CCR3: variants seen among roughly 807,000 people sequenced by gnomAD.
CCR3 encodes the protein C-C motif chemokine receptor 3.
For synonymous variants in CCR3, 203 were observed against 179.2 expected (o/e 1.13, Z -1.06); for missense variants, 419 against 437.5 (o/e 0.96, Z 0.38).
intron 2 of CCR3, among the ~76,000 whole-genome samples, chr3:46,231,836 T>G (rs1208757440): frequency 6.6e-6 from 1 of 152,228 alleles, no homozygotes; most frequent in East Asian, 1.9e-4. Context: ...CCTCTTATCT[T>G]GTTTCAGGAG....
intron 2 of CCR3, among the ~76,000 whole-genome samples, chr3:46,213,849 A>G (rs1575482545): frequency 6.6e-6 from 1 of 152,284 alleles, no homozygotes; most frequent in East Asian, 1.9e-4. Context: ...ACTGACCTTC[A>G]GCCTCCTCAT....
chr3:46,247,209 T>C (rs78470032), intron 1 of CCR3, among the ~76,000 whole-genome samples: 28 of 152,128 alleles, frequency 1.8e-4, no homozygotes, highest in African/African-American at 6.7e-4. Flanking sequence ...CAGTGTAAAC[T>C]GGCAGTGTAA....
chr3:46,243,961 T>C (rs927554026), intron 1 of CCR3, among the ~76,000 whole-genome samples: 1 of 152,228 alleles, frequency 6.6e-6, no homozygotes, highest in African/African-American at 2.4e-5. Flanking sequence ...TTTTCTTTCT[T>C]TTAGATCTTC....
intron 2 of CCR3, among the ~76,000 whole-genome samples, chr3:46,231,150 CTT>C (rs1038545594): frequency 9.8e-5 from 15 of 152,322 alleles, no homozygotes; most frequent in South Asian, 2.1e-4. Flanking sequence ...GTCTCGATCT[CTT>C]AACCTCATGA....
At chr3:46,265,057 T>A in intron 1 of CCR3, 91 bp from the exon 2 acceptor site, 1 of 822,106 alleles carries the variant, frequency 1.2e-6, no homozygotes, top group Non-Finnish European at 1.9e-6. Context: ...ATGTGGCATC[T>A]TTGTTGAGTA....
intron 2 of CCR3, among the ~76,000 whole-genome samples, chr3:46,213,774 C>A (rs1239093897): frequency 6.6e-6 from 1 of 152,228 alleles, no homozygotes; most frequent in Non-Finnish European, 1.5e-5. Flanking sequence ...CTGCCTCTAG[C>A]ACCTCAACTC....
chr3:46,258,619 G>T (rs1416325013), intron 1 of CCR3, among the ~76,000 whole-genome samples: 1 of 152,078 alleles, frequency 6.6e-6, no homozygotes, highest in Non-Finnish European at 1.5e-5. Context: ...ACTACATGTT[G>T]CTTTCCTTTC....
Position 46,236,429 on chromosome 3 carries a change from G to A in CCR3, c.-67-5973G>A, listed in dbSNP as rs11916833. On this transcript the variant is annotated intron_variant, in intron 2 of 3. Coordinates refer to the CCR3 transcript ENST00000357422. ...AGCCCCATCGACAGGCTCCCAGGAC[G>A]GCTCACCTTCCAGGAAGTCCTGCTG... Among the ~76,000 whole-genome samples the A allele has an allele frequency of 9.0e-3, 1,366 of 152,308 alleles. 13 individuals carry two copies. The highest frequency in any genetic ancestry group is 0.041 in the Middle Eastern group (12 of 294).
chr3:46,263,210 T>C (rs1055852826), intron 1 of CCR3, among the ~76,000 whole-genome samples: 1 of 152,234 alleles, frequency 6.6e-6, no homozygotes, highest in African/African-American at 2.4e-5. Context: ...TTGACCTGTT[T>C]TTAAATCACT....
upstream of CCR3, chr3:46,242,260 C>A (rs1391170736): frequency 6.6e-6 from 1 of 152,118 alleles, no homozygotes; most frequent in East Asian, 1.9e-4. Flanking sequence ...TGGTGTCAAT[C>A]ATGAAAAAGA....
chr3:46,239,718 A>C (rs373517914), upstream of CCR3, among the ~76,000 whole-genome samples: 6 of 152,310 alleles, frequency 3.9e-5, no homozygotes, highest in East Asian at 5.8e-4. Context: ...ATTGCTCCTC[A>C]TTCTGGTCTA....
At chr3:46,231,742 G>T (rs1411646945) in intron 2 of CCR3, among the ~76,000 whole-genome samples, 1 of 152,170 alleles carries the variant, frequency 6.6e-6, no homozygotes, top group Non-Finnish European at 1.5e-5. Context: ...AACTCATCAA[G>T]TTGTATAGAT....
chr3:46,262,097 ATCTCT>A (rs1364528151), intron 1 of CCR3, among the ~76,000 whole-genome samples: 7 of 152,290 alleles, frequency 4.6e-5, no homozygotes, highest in Non-Finnish European at 5.9e-5. Context: ...CTTCCTCCAG[ATCTCT>A]GCCACCATCT....
intron 1 of CCR3, among the ~76,000 whole-genome samples, chr3:46,248,943 G>A (rs1263172571): frequency 1.3e-5 from 2 of 152,208 alleles, no homozygotes; most frequent in Non-Finnish European, 2.9e-5. Context: ...TTTTAGGACA[G>A]GTAAAATGGG....
rs192823674 is a variant in CCR3 at position 46,232,957 on chromosome 3, C to T, written c.-67-9445C>T. Among the ~76,000 whole-genome samples the T allele has an allele frequency of 2.6e-5, 4 of 152,286 alleles. No homozygotes were observed. The South Asian group carries it at 6.2e-4, about 24-fold the overall frequency. On this transcript the variant is annotated intron_variant, in intron 2 of 3. Transcript: ENST00000357422. ...AAGCAATTCTCCTGCCTCAGTCTCC[C>T]GAGTAGCTGGGATTATAGGCACACG...
intron 2 of CCR3, among the ~76,000 whole-genome samples, chr3:46,228,256 C>T (rs114912957): frequency 1.3e-5 from 2 of 151,882 alleles, no homozygotes; most frequent in Non-Finnish European, 2.9e-5. Context: ...TGTACGCACA[C>T]CCCCTCCCAC....
At chr3:46,211,777 C>T (rs1217773073) in intron 2 of CCR3, among the ~76,000 whole-genome samples, 1 of 152,058 alleles carries the variant, frequency 6.6e-6, no homozygotes, top group African/African-American at 2.4e-5. Context: ...ATACAATACA[C>T]GTTGTCTTCC....
At position 46,217,363 on chromosome 3, in the gene CCR3, G is replaced by A. The variant is rs529440165; in HGVS notation, c.-68+6456G>A. Among the ~76,000 whole-genome samples, 34 of 152,264 alleles carry A rather than the reference G, an allele frequency of 2.2e-4. No homozygotes were observed. In the South Asian group the frequency reaches 2.3e-3, roughly 10 times the overall value. ...TGAGATTGATGGCAACACAATAGTC[G>A]TAGGGGAAGTCAGTACTCTTCTGAC... On this transcript the variant is annotated intron_variant, in intron 2 of 3. Transcript: ENST00000357422.
upstream of CCR3, among the ~76,000 whole-genome samples, chr3:46,240,738 T>C (rs1334430484): frequency 6.6e-6 from 1 of 152,180 alleles, no homozygotes; most frequent in Non-Finnish European, 1.5e-5. Context: ...AGTCCTAATT[T>C]ATTTGCTCCT....
Sources: allele counts gnomAD v4.1 joint callset (sites outside exome capture counted in the v4.1 genomes callset), GRCh38; gene constraint gnomAD v4.1.1; transcripts MANE v1.5; gene names NCBI Gene and HGNC (gene_info 2026-07-23, HGNC 2026-07-21).